Variants in MTRES1 observed in about 807,000 individuals in gnomAD.
MTRES1 encodes the protein mitochondrial transcription rescue factor 1.
In MTRES1, 11 loss-of-function variants were observed where a neutral mutation model predicts 17.4. That is an observed-to-expected ratio of 0.63 (90% CI 0.40 to 1.05). The LOEUF is 1.05. Ranked by LOEUF, MTRES1 falls within the 50% of genes least tolerant of loss-of-function variation. The pLI, the probability that MTRES1 is intolerant of heterozygous loss-of-function variation, is 0.00. For synonymous variants in MTRES1, 94 were observed against 99.6 expected (o/e 0.94, Z 0.34); for missense variants, 268 against 276.2 (o/e 0.97, Z 0.21).
intron 1 of MTRES1, among the ~76,000 whole-genome samples, chr6:107,032,045 T>C (rs1773863893): frequency 6.6e-6 from 1 of 152,148 alleles, no homozygotes; most frequent in South Asian, 2.1e-4. Flanking sequence ...AGGACTAACA[T>C]GACCTTTTGG....
At chr6:107,046,140 G>C (rs1306351216) in intron 3 of MTRES1, among the ~76,000 whole-genome samples, 1 of 152,160 alleles carries the variant, frequency 6.6e-6, no homozygotes, top group African/African-American at 2.4e-5. Flanking sequence ...ATTGCTCAGT[G>C]AGCTACATGC....
chr6:107,042,079 G>C (rs913147274), intron 2 of MTRES1, among the ~76,000 whole-genome samples: 4 of 151,828 alleles, frequency 2.6e-5, no homozygotes, highest in African/African-American at 9.7e-5. Context: ...GGTGGCTCAC[G>C]CCTGTAGTCC....
chr6:107,050,697 C>T (rs1298801600), intron 3 of MTRES1, among the ~76,000 whole-genome samples: 1 of 151,924 alleles, frequency 6.6e-6, no homozygotes, highest in Non-Finnish European at 1.5e-5. Context: ...CTGCCACAGC[C>T]TTCCGAGTAT....
At chr6:107,039,691 T>G (rs1554227346) in intron 1 of MTRES1, 58 bp from the exon 2 acceptor site, 2 of 1,520,772 alleles carry the variant, frequency 1.3e-6, no homozygotes, top group African/African-American at 1.4e-5. Context: ...TGGTTTATGT[T>G]GTAATAATGT....
intron 3 of MTRES1, among the ~76,000 whole-genome samples, chr6:107,049,265 C>T (rs1383623324): frequency 5.3e-5 from 8 of 152,226 alleles, no homozygotes; most frequent in Non-Finnish European, 1.0e-4. Context: ...AATGTGTGCC[C>T]ACTTACTGTC....
At position 107,043,296 on chromosome 6, in the gene MTRES1, C is replaced by G. The variant is rs564851512; in HGVS notation, c.471-964C>G. Reference sequence around the variant, plus strand: ...CTGCAGTGAGCCGAGACCACACCACCGCACTCCAGCCTGGGCAATGGAGCG... The same window carrying G: ...CTGCAGTGAGCCGAGACCACACCACGGCACTCCAGCCTGGGCAATGGAGCG... On this transcript the variant is annotated intron_variant, in intron 2 of 3. Coordinates refer to ENST00000311381, the MANE Select transcript of MTRES1 (RefSeq NM_016487.5). Among the ~76,000 whole-genome samples, 399 of 151,456 alleles carry G rather than the reference C, an allele frequency of 2.6e-3. 1 individual carries two copies. Among genetic ancestry groups the G allele is most frequent in the Non-Finnish European group, 3.9e-3 (265 of 67,884 alleles).
Position 107,044,600 on chromosome 6 carries a change from T to C in MTRES1, c.543+268T>C, listed in dbSNP as rs999304918. Among the ~76,000 whole-genome samples the C allele has an allele frequency of 2.0e-5, 3 of 152,310 alleles. No individual in the cohort carries two copies. The South Asian group carries it at 6.2e-4, about 32-fold the overall frequency. Reference sequence around the variant, plus strand: ...GTTAGAACTGGCAGAAATCCATTAATTAAACTTCCAGGTCATTAATGTTAG... The same window carrying C: ...GTTAGAACTGGCAGAAATCCATTAACTAAACTTCCAGGTCATTAATGTTAG... On this transcript the variant is annotated intron_variant, in intron 3 of 3. Coordinates refer to ENST00000311381, the MANE Select transcript of MTRES1 (RefSeq NM_016487.5).
At chr6:107,043,030 CAG>C (rs1223641635) in intron 2 of MTRES1, among the ~76,000 whole-genome samples, 1 of 151,806 alleles carries the variant, frequency 6.6e-6, no homozygotes, top group African/African-American at 2.4e-5. Context: ...GAATCCTTGT[CAG>C]AATAAACATT....
chr6:107,048,014 G>T (rs1554228619), intron 3 of MTRES1, among the ~76,000 whole-genome samples: 1 of 152,172 alleles, frequency 6.6e-6, no homozygotes, highest in Non-Finnish European at 1.5e-5. Flanking sequence ...AGTACACTAT[G>T]ATTATGCCTA....
Position 107,051,168 on chromosome 6 carries a change from G to A in MTRES1, c.655G>A (p.Glu219Lys). 2 of 1,614,082 alleles carry A rather than the reference G, an allele frequency of 1.2e-6. No individual in the cohort carries two copies. The highest frequency in any genetic ancestry group is 1.7e-6 in the Non-Finnish European group (2 of 1,179,974). ...AGTGTTTGAAGAGAAGACTGAAAGT[G>A]AAAAATACAGAGTGGTGTTACGGCG... ...KKVFEEKTES[E>K]KYRVVLRRWK... The change falls in exon 4 of 4, where the codon GAA (glutamate) becomes AAA (lysine). Residue 219 changes from glutamate (E) to lysine (K), a missense_variant. Physicochemically the swap from Glu to Lys is moderately conservative, Grantham distance 56 (BLOSUM62 1). Coordinates refer to ENST00000311381, the MANE Select transcript of MTRES1 (RefSeq NM_016487.5).
At chr6:107,044,138 A>T in intron 2 of MTRES1, 122 bp from the exon 3 acceptor site, 2 of 665,266 alleles carry the variant, frequency 3.0e-6, no homozygotes, top group Non-Finnish European at 5.0e-6. Context: ...CAAACAAAAA[A>T]AATAGATTTG....
chr6:107,034,573 G>T (rs2114944264), intron 1 of MTRES1, among the ~76,000 whole-genome samples: 1 of 152,320 alleles, frequency 6.6e-6, no homozygotes, highest in African/African-American at 2.4e-5. Flanking sequence ...TTGCAGCTCG[G>T]ATGCCTAGAT....
chr6:107,029,234 C>A (rs1219448664), intron 1 of MTRES1, among the ~76,000 whole-genome samples: 2 of 150,696 alleles, frequency 1.3e-5, no homozygotes, highest in South Asian at 2.1e-4. Context: ...GTCGCCCAGG[C>A]TGGAGTGCAG....
intron 3 of MTRES1, among the ~76,000 whole-genome samples, chr6:107,047,238 T>C (rs1774425233): frequency 6.6e-6 from 1 of 152,048 alleles, no homozygotes; most frequent in Non-Finnish European, 1.5e-5. Flanking sequence ...TTATTTTATT[T>C]TGGAGACAGT....
intron 3 of MTRES1, among the ~76,000 whole-genome samples, chr6:107,048,260 G>A (rs537528837): frequency 0.019 from 2,890 of 151,672 alleles, 95 homozygotes; most frequent in African/African-American, 0.067. Flanking sequence ...TCAGCCTCCA[G>A]AGTACCTGGG....
Position 107,051,256 on chromosome 6 carries a change from T to C in MTRES1, c.*20T>C, listed in dbSNP as rs1347545611. ...AAATAAATGGATTGCTTTTTAGCAA[T>C]AGAGCTGCTTTCTAGTGGTAAAGGA... On this transcript the variant is annotated 3_prime_UTR_variant, in exon 4 of 4. Transcript: ENST00000311381. 1.9e-6 allele frequency: 3 copies of C among 1,594,972 alleles called. No homozygotes were observed. The highest frequency in any genetic ancestry group is 1.3e-5 in the African/African-American group (1 of 74,214).
rs782050614 is a variant in MTRES1, at chr6:107,030,141, T to TG, written c.-13+1871dup. ...TTAATTAAGGGGAGGATGCCAGTGT[T>TG]GCTGAAGCTGAATTTGCAAGAGTCA... On this transcript the variant is annotated intron_variant, in intron 1 of 3. Coordinates refer to ENST00000311381, the MANE Select transcript of MTRES1 (RefSeq NM_016487.5). 7 of 718,452 alleles carry TG rather than the reference T, an allele frequency of 9.7e-6. No homozygotes were observed. The African/African-American group carries it at 1.2e-4, about 13-fold the overall frequency. 44.5% of individuals were successfully genotyped at this position (718,452 alleles called of 1,614,324 possible).
At chr6:107,046,930 TTGTGTGTGTG>T (rs67662472) in intron 3 of MTRES1, among the ~76,000 whole-genome samples, 5 of 33,018 alleles carry the variant, frequency 1.5e-4, no homozygotes, top group African/African-American at 2.7e-4. Context: ...GGATTCATTC[TTGTGTGTGTG>T]TGTGTGTGTG....
chr6:107,036,149 G>A (rs887999773), intron 1 of MTRES1, among the ~76,000 whole-genome samples: 32 of 152,230 alleles, frequency 2.1e-4, no homozygotes, highest in African/African-American at 7.0e-4. Context: ...ACACTGGGCC[G>A]TGGCTATACA....
Sources: gnomAD v4.1 joint callset for allele counts (sites outside exome capture counted in the v4.1 genomes callset) on GRCh38, gnomAD v4.1.1 for gene constraint, MANE v1.5 for transcripts, NCBI Gene and HGNC (gene_info 2026-07-23, HGNC 2026-07-21) for gene names.